Variants in KLHL29 observed in about 807,000 individuals in gnomAD.
KLHL29 encodes the protein kelch-like protein 29.
In KLHL29, 21 loss-of-function variants were observed where a neutral mutation model predicts 80.4. The observed-to-expected ratio is 0.26, with a 90% CI of 0.19 to 0.38. The LOEUF (loss-of-function observed/expected upper bound fraction) is 0.38, where lower values mean the gene tolerates loss of function less well. Ranked by LOEUF, KLHL29 falls within the 10% of genes least tolerant of loss-of-function variation. The pLI, the probability that KLHL29 is intolerant of heterozygous loss-of-function variation, is 1.00. For missense variants in KLHL29, 867 were observed against 1,223.9 expected, an observed-to-expected ratio of 0.71 and a Z score of 4.35; for synonymous variants, 511 against 526.8, an observed-to-expected ratio of 0.97 and a Z score of 0.41.
At chr2:23,437,712 G>T (rs1264744278) in intron 1 of KLHL29, among the ~76,000 whole-genome samples, 1 of 152,194 alleles carries the variant, frequency 6.6e-6, no homozygotes, top group Non-Finnish European at 1.5e-5. Context: ...GGTTACTGTA[G>T]CCTTGTAGTA....
At chr2:23,566,673 T>C (rs1182720230) in intron 3 of KLHL29, among the ~76,000 whole-genome samples, 1 of 152,234 alleles carries the variant, frequency 6.6e-6, no homozygotes, top group Non-Finnish European at 1.5e-5. Flanking sequence ...TGGGATTGAA[T>C]CCTAGCTCCG....
chr2:23,561,577 T>A (rs982363943), intron 2 of KLHL29, among the ~76,000 whole-genome samples: 2 of 152,194 alleles, frequency 1.3e-5, no homozygotes, highest in South Asian at 4.1e-4. Context: ...CCTGGACTCT[T>A]TATCACTTTC....
intron 5 of KLHL29, among the ~76,000 whole-genome samples, chr2:23,671,788 G>A (rs1376563764): frequency 1.3e-5 from 2 of 152,230 alleles, no homozygotes; most frequent in Non-Finnish European, 2.9e-5. Context: ...AGCCACTTCT[G>A]GAACCTAGGG....
At chr2:23,479,566 C>T (rs1218792709) in intron 2 of KLHL29, among the ~76,000 whole-genome samples, 1 of 152,186 alleles carries the variant, frequency 6.6e-6, no homozygotes. Context: ...ACTCCCTCTG[C>T]TTCAGCTGTT....
chr2:23,427,197 A>G (rs951842315), intron 1 of KLHL29, among the ~76,000 whole-genome samples: 3 of 152,224 alleles, frequency 2.0e-5, no homozygotes, highest in Non-Finnish European at 2.9e-5. Flanking sequence ...TGCAAGAGCC[A>G]GTTTGAAAGG....
intron 1 of KLHL29, among the ~76,000 whole-genome samples, chr2:23,402,955 G>GTA (rs1285212068): frequency 1.3e-5 from 2 of 149,688 alleles, no homozygotes; most frequent in Admixed American, 6.7e-5. Flanking sequence ...ATATGTGTAT[G>GTA]TATATATATC....
intron 1 of KLHL29, among the ~76,000 whole-genome samples, chr2:23,414,016 A>G (rs556520816): frequency 1.3e-5 from 2 of 152,338 alleles, no homozygotes; most frequent in South Asian, 4.1e-4. Context: ...TGAGCTTCTT[A>G]GCCCTCCTAG....
chr2:23,441,869 G>T (rs1306083997), intron 1 of KLHL29, among the ~76,000 whole-genome samples: 1 of 152,134 alleles, frequency 6.6e-6, no homozygotes, highest in South Asian at 2.1e-4. Context: ...CACTTATTCA[G>T]CCTCTGCTTG....
In KLHL29 at chr2:23,696,217, G is replaced by A. The variant is rs1316378726; in HGVS notation, c.1924+84G>A. On this transcript the variant is annotated intron_variant, in intron 10 of 13. Transcript: ENST00000486442. This position sits in a 1 kb window ranked among gnomAD's most constrained non-coding sequence, Gnocchi z 5.5. Reference sequence around the variant, plus strand: ...CCACGTCAGGGCTGAGGAAGGCCATGGCCCAGAAGTGTCTACTTTGCAGGT... The same window carrying A: ...CCACGTCAGGGCTGAGGAAGGCCATAGCCCAGAAGTGTCTACTTTGCAGGT... 1.3e-6 allele frequency: 2 copies of A among 1,489,054 alleles called. No individual in the cohort carries two copies. The highest frequency in any genetic ancestry group is 1.8e-6 in the Non-Finnish European group (2 of 1,101,676). 92.2% of individuals were successfully genotyped at this position (1,489,054 alleles called of 1,614,324 possible).
intron 3 of KLHL29, among the ~76,000 whole-genome samples, chr2:23,590,499 A>G (rs1456235134): frequency 3.3e-5 from 5 of 152,072 alleles, no homozygotes; most frequent in Non-Finnish European, 5.9e-5. Flanking sequence ...AGACCTGAAC[A>G]CTCTGGGAGC....
At chr2:23,529,124 T>G (rs960391161) in intron 2 of KLHL29, among the ~76,000 whole-genome samples, 2 of 152,238 alleles carry the variant, frequency 1.3e-5, no homozygotes, top group African/African-American at 4.8e-5. Context: ...TAATTTTTTT[T>G]AGAGACAAGT....
chr2:23,517,803 A>C (rs1665986383), intron 2 of KLHL29, among the ~76,000 whole-genome samples: 2 of 152,308 alleles, frequency 1.3e-5, no homozygotes, highest in African/African-American at 4.8e-5. Context: ...GGCTGGGCCC[A>C]TTCCCACCAC....
rs1671130836 is a variant in KLHL29 at position 23,682,906 on chromosome 2, C to A, written c.941-1493C>A. 6.6e-6 allele frequency among the ~76,000 whole-genome samples: 1 copy of A among 152,178 alleles called. No individual in the cohort carries two copies. ...CAGTGATTCGGCCTTGCCATGGCTC[C>A]CAGAGGGCAGGGCCCCCAACCCCGA... On this transcript the variant is annotated intron_variant, in intron 5 of 13. Transcript: ENST00000486442. The surrounding 1 kb of genome is among the most constrained non-coding windows in gnomAD (Gnocchi z 4.1).
intron 2 of KLHL29, among the ~76,000 whole-genome samples, chr2:23,555,127 C>CG (rs571481991): frequency 7.5e-5 from 11 of 146,712 alleles, no homozygotes; most frequent in African/African-American, 2.9e-4. Context: ...ACCTCCCCCC[C>CG]CCCCTCAACT....
At chr2:23,587,375 T>C (rs1668147422) in intron 3 of KLHL29, among the ~76,000 whole-genome samples, 1 of 152,074 alleles carries the variant, frequency 6.6e-6, no homozygotes, top group Non-Finnish European at 1.5e-5. Context: ...CTAATCACTT[T>C]TGATGGAGTA....
At chr2:23,611,177 T>G (rs1668862563) in intron 3 of KLHL29, among the ~76,000 whole-genome samples, 1 of 152,184 alleles carries the variant, frequency 6.6e-6, no homozygotes, top group Non-Finnish European at 1.5e-5. Context: ...CAAGACACGG[T>G]GAGCTGCTAT....
At chr2:23,672,403 A>G in intron 5 of KLHL29, 1 of 152,322 alleles carries the variant, frequency 6.6e-6, no homozygotes, top group East Asian at 1.9e-4. Context: ...CAGGCCTGGC[A>G]TGAAGGAGGC....
At chr2:23,465,040 A>G (rs1664308771) in intron 1 of KLHL29, among the ~76,000 whole-genome samples, 1 of 152,182 alleles carries the variant, frequency 6.6e-6, no homozygotes, top group Non-Finnish European at 1.5e-5. Flanking sequence ...TTTGCTTCTC[A>G]ATGTTATTTT....
chr2:23,541,230 G>A (rs1666824208), intron 2 of KLHL29, among the ~76,000 whole-genome samples: 2 of 152,360 alleles, frequency 1.3e-5, no homozygotes, highest in East Asian at 3.9e-4. Context: ...TGTTAACGGA[G>A]GGAGACGTGA....
Sources: allele counts gnomAD v4.1 joint callset (sites outside exome capture counted in the v4.1 genomes callset), GRCh38; gene constraint gnomAD v4.1.1; non-coding constraint Gnocchi (gnomAD v3.1); transcripts MANE v1.5; gene names NCBI Gene and HGNC (gene_info 2026-07-23, HGNC 2026-07-21).